The following RBM5 variants were observed in gnomAD, a reference collection of about 807,000 sequenced individuals.
RBM5 encodes RNA binding motif protein 5.
In RBM5, 15 loss-of-function variants were observed where a neutral mutation model predicts 124.6. That is an observed-to-expected ratio of 0.12 (90% CI 0.08 to 0.19). The LOEUF (loss-of-function observed/expected upper bound fraction) is 0.19, where lower values mean the gene tolerates loss of function less well. Ranked by LOEUF, RBM5 falls within the 10% of genes least tolerant of loss-of-function variation. The pLI, the probability that RBM5 is intolerant of heterozygous loss-of-function variation, is 1.00. For missense variants in RBM5, 580 were observed against 1,026.5 expected (o/e 0.57, Z 5.94); for synonymous variants, 337 against 361.2 (o/e 0.93, Z 0.76).
Position 50,118,409 on chromosome 3 carries a change from G to T in RBM5, c.2401G>T (p.Asp801Tyr). The T allele has an allele frequency of 6.2e-7, 1 of 1,614,156 alleles. No individual in the cohort carries two copies. The highest frequency in any genetic ancestry group is 8.5e-7 in the Non-Finnish European group (1 of 1,180,024). ...YGLSGADSYK[D>Y]AVRKAMFARF... ...TTTGTCGGGCGCCGATTCCTACAAA[G>T]ATGCTGTCCGGAAAGCCATGTTTGC... The change falls in exon 25 of 25, where the codon GAT becomes TAT. Residue 801 changes from aspartate to tyrosine, a missense_variant. This residue lies in a region of RBM5 where 234 missense variants were observed against 435.1 expected (regional missense o/e 0.54). Transcript: ENST00000347869.
chr3:50,094,251 G>A (rs1008499258), intron 4 of RBM5: 5 of 154,750 alleles, frequency 3.2e-5, no homozygotes, highest in Admixed American at 6.3e-5. Flanking sequence ...CTGCCTCCCG[G>A]GTTCACGCCA....
chr3:50,089,932 G>T (rs1352125250), intron 1 of RBM5: 3 of 159,070 alleles, frequency 1.9e-5, no homozygotes, highest in African/African-American at 7.2e-5. Flanking sequence ...GCTTCTACGA[G>T]GTTTTACATT....
intron 4 of RBM5, 152 bp from the exon 5 acceptor site, chr3:50,099,830 C>T: frequency 1.7e-6 from 1 of 599,216 alleles, no homozygotes; most frequent in African/African-American, 1.9e-5. Context: ...CCACTGCACT[C>T]CAGCCTGGGC....
intron 24 of RBM5, 102 bp from the exon 25 acceptor site, chr3:50,118,229 C>G: frequency 6.7e-7 from 1 of 1,482,736 alleles, no homozygotes; most frequent in Non-Finnish European, 9.2e-7. Context: ...TTTCTCTCTT[C>G]TGTCTCCTGG....
Position 50,117,425 on chromosome 3 carries a change from G to A in RBM5, c.2322+46G>A, listed in dbSNP as rs200727638. The A allele has an allele frequency of 3.4e-5, 55 of 1,608,324 alleles. No homozygotes were observed. The highest frequency in any genetic ancestry group is 2.1e-4 in the Middle Eastern group (1 of 4,736). ...TTGATGTTTGCCAGGCTTACAGGCC[G>A]GTTCCAGAGATGAGATCAGAGCACT... is the stretch of plus-strand genomic sequence containing the variant. On this transcript the variant is annotated intron_variant, in intron 24 of 24. Coordinates refer to ENST00000347869, the MANE Select transcript of RBM5 (RefSeq NM_005778.4). This position sits in a 1 kb window ranked among gnomAD's most constrained non-coding sequence, Gnocchi z 4.2.
rs1252570513 is a variant in RBM5, at chr3:50,107,603, TG to T, written c.1041+36del. 3.4e-6 allele frequency: 5 copies of T among 1,477,932 alleles called. No homozygotes were observed. The African/African-American group carries it at 7.0e-5, about 21-fold the overall frequency. The allele number at this position is 1,477,932 out of a possible 1,614,324, so 91.6% of individuals were successfully genotyped here. A position where few individuals can be genotyped will look rare whatever the true frequency, so the allele number is the denominator to read the frequency against. ...GAGGATCTTTTTGCTCAAGGTAGTG[TG>T]GTGGTGGTGCCCAGATTCACAGACG... is the stretch of plus-strand genomic sequence containing the variant. On this transcript the variant is annotated intron_variant, in intron 12 of 24. Transcript: ENST00000347869.
chr3:50,116,269 GT>G (rs534215147), intron 22 of RBM5: 105 of 374,080 alleles, frequency 2.8e-4, no homozygotes, highest in Admixed American at 1.9e-3. Context: ...TATGGAGAGA[GT>G]GGTCTAGTTT....
In RBM5 at chr3:50,108,125, A is replaced by T. The variant is rs2091073041; in HGVS notation, c.1097A>T (p.Asp366Val). Reference sequence around the variant, plus strand: ...TACAGTTATCTGCAACCAGGTCAAGATGGCTATGCCCAATATGCTCAGGTA... The same window carrying T: ...TACAGTTATCTGCAACCAGGTCAAGTTGGCTATGCCCAATATGCTCAGGTA... The part of the protein sequence containing the change: ...VDYSYLQPGQ[D>V]GYAQYAQYSQ... Residue 366 changes from aspartate (D) to valine (V), a missense_variant, in exon 13 of 25, where the codon GAT becomes GTT. This residue lies in a region of RBM5 where 104 missense variants were observed against 128.7 expected (regional missense o/e 0.81). Coordinates refer to ENST00000347869, the MANE Select transcript of RBM5 (RefSeq NM_005778.4). 1 of 1,611,272 alleles carries T rather than the reference A, an allele frequency of 6.2e-7. No homozygotes were observed. The highest frequency in any genetic ancestry group is 1.7e-5 in the Admixed American group (1 of 59,990).
intron 4 of RBM5, 128 bp downstream of exon 4, chr3:50,094,003 C>A: frequency 9.9e-7 from 1 of 1,012,276 alleles, no homozygotes; most frequent in Non-Finnish European, 1.4e-6. Flanking sequence ...ATCCAAAATG[C>A]TTGGGACCAG....
At chr3:50,093,957 G>A in intron 4 of RBM5, 82 bp downstream of exon 4, 1 of 1,485,312 alleles carries the variant, frequency 6.7e-7, no homozygotes, top group Non-Finnish European at 9.2e-7. Context: ...TCATGCTATT[G>A]TTTTATCTTA....
chr3:50,101,778 T>A (rs1347172855), intron 6 of RBM5: 1 of 152,246 alleles, frequency 6.6e-6, no homozygotes, highest in Non-Finnish European at 1.5e-5. Flanking sequence ...TACAAAGCTA[T>A]GTTACTGTGT....
chr3:50,116,089 A>C (rs1033278050), intron 22 of RBM5, 109 bp downstream of exon 22: 5 of 1,055,752 alleles, frequency 4.7e-6, no homozygotes, highest in Non-Finnish European at 7.2e-6. Context: ...AGGATTTGTC[A>C]TACCCTTGTC....
chr3:50,109,296 A>G (rs1397758687), intron 14 of RBM5, among the ~76,000 whole-genome samples: 2 of 152,104 alleles, frequency 1.3e-5, no homozygotes, highest in East Asian at 3.9e-4. Context: ...GATGGTCTCA[A>G]TCTCCTGACC....
Position 50,093,889 on chromosome 3 carries a change from A to G in RBM5, c.339+14A>G. On this transcript the variant is annotated intron_variant, in intron 4 of 24. Transcript: ENST00000347869. ...ACAGAGAGCGATGTAAGGGGAAATG[A>G]CAGTTATAACCAGCAGTCAGTAGGC... is the stretch of plus-strand genomic sequence containing the variant. 1 of 1,597,180 alleles carries G rather than the reference A, an allele frequency of 6.3e-7. No individual in the cohort carries two copies. Among genetic ancestry groups the G allele is most frequent in the Non-Finnish European group, 8.6e-7 (1 of 1,166,012 alleles).
intron 6 of RBM5, 45 bp from the exon 7 acceptor site, chr3:50,103,038 C>T (rs560174917): frequency 1.4e-6 from 2 of 1,432,508 alleles, no homozygotes; most frequent in South Asian, 2.3e-5. Flanking sequence ...AAAATGGACA[C>T]ATGTTCCTCA....
Position 50,116,185 on chromosome 3 carries a change from C to G in RBM5, c.2094+205C>G, listed in dbSNP as rs909809386. The G allele has an allele frequency of 7.1e-6, 4 of 561,348 alleles. No homozygotes were observed. The East Asian group carries it at 9.1e-5, about 13-fold the overall frequency. The allele number at this position is 561,348 out of a possible 1,614,324, so 34.8% of individuals were successfully genotyped here. A position where few individuals can be genotyped will look rare whatever the true frequency, so the allele number is the denominator to read the frequency against. ...ATTGTCCCTTCATCATAAGGGTGCA[C>G]AAGGCAGAAGCACACTGCCGAGACT... On this transcript the variant is annotated intron_variant, in intron 22 of 24. Transcript: ENST00000347869.
intron 4 of RBM5, among the ~76,000 whole-genome samples, chr3:50,095,910 G>A (rs1042101794): frequency 6.6e-6 from 1 of 152,064 alleles, no homozygotes; most frequent in African/African-American, 2.4e-5. Flanking sequence ...AGTAATCAAA[G>A]TAATATTCTG....
chr3:50,114,266 C>T lies in RBM5; in HGVS notation c.1839+15C>T. Reference sequence around the variant, plus strand: ...ATCCCCTCAAAGTAAGGGAGTACCACCAGTGTTTTAAAGACCCTATCTGTG... The same window carrying T: ...ATCCCCTCAAAGTAAGGGAGTACCATCAGTGTTTTAAAGACCCTATCTGTG... On this transcript the variant is annotated intron_variant, in intron 20 of 24. Coordinates refer to ENST00000347869, the MANE Select transcript of RBM5 (RefSeq NM_005778.4). The T allele has an allele frequency of 6.3e-7, 1 of 1,594,728 alleles. No individual in the cohort carries two copies.
In RBM5 at chr3:50,105,117, T is replaced by G. The variant is rs1276753433; in HGVS notation, c.669T>G (p.Val223=). The change falls in exon 9 of 25, where the codon GTT becomes GTG. Residue 223 remains valine, a synonymous_variant. Coordinates refer to ENST00000347869, the MANE Select transcript of RBM5 (RefSeq NM_005778.4). ...TGCCTCCTGGAACCACAGAGTCGGT[T>G]CAGTCTGTGGATTACTACTGTGATA... ...QEVPPGTTES[V]QSVDYYCDTI... is the part of the protein sequence containing the mutation. 6.3e-7 allele frequency: 1 copy of G among 1,598,616 alleles called. No homozygotes were observed.
Sources: gnomAD v4.1 joint callset for allele counts (sites outside exome capture counted in the v4.1 genomes callset) on GRCh38, gnomAD v4.1.1 for gene constraint, gnomAD v4.1.1 regional missense constraint, Gnocchi (gnomAD v3.1) non-coding constraint, MANE v1.5 for transcripts, NCBI Gene and HGNC (gene_info 2026-07-23, HGNC 2026-07-21) for gene names.